Variants in PAK2 observed in about 807,000 individuals in gnomAD.
PAK2 encodes the protein serine/threonine-protein kinase PAK 2.
A neutral mutation model predicts 65.9 loss-of-function variants in PAK2; 21 were observed. The ratio of observed to expected loss-of-function variants is 0.32; its 90% CI spans 0.23 to 0.46. The LOEUF (loss-of-function observed/expected upper bound fraction) is 0.46, where lower values mean the gene tolerates loss of function less well. Ranked by LOEUF, PAK2 falls within the 20% of genes least tolerant of loss-of-function variation. The pLI is 1.00. For synonymous variants in PAK2, 204 were observed against 219.7 expected, an observed-to-expected ratio of 0.93 and a Z score of 0.63; for missense variants, 324 against 642.6, an observed-to-expected ratio of 0.50 and a Z score of 5.36.
chr3:196,785,742 G>A (rs972070054), intron 2 of PAK2, among the ~76,000 whole-genome samples: 6 of 152,186 alleles, frequency 3.9e-5, no homozygotes, highest in Non-Finnish European at 8.8e-5. Context: ...GGCTGGGGAG[G>A]CCTCACAATT....
intron 7 of PAK2, 125 bp downstream of exon 7, chr3:196,808,039 T>TAGC: frequency 1.2e-6 from 1 of 804,860 alleles, no homozygotes; most frequent in South Asian, 1.9e-5. Flanking sequence ...TGTTTCCTTA[T>TAGC]AGCAACAGTA....
chr3:196,758,150 G>A (rs1713828732), intron 1 of PAK2, among the ~76,000 whole-genome samples: 1 of 152,342 alleles, frequency 6.6e-6, no homozygotes, highest in South Asian at 2.1e-4. Context: ...TGATGGTGAT[G>A]TAATGGTCAA....
chr3:196,752,660 C>T (rs534822465), intron 1 of PAK2, among the ~76,000 whole-genome samples: 23 of 150,912 alleles, frequency 1.5e-4, no homozygotes, highest in Non-Finnish European at 3.0e-4. Context: ...AGTGCAATGG[C>T]GCAATCTCAG....
intron 1 of PAK2, among the ~76,000 whole-genome samples, chr3:196,764,220 T>G (rs1278966172): frequency 6.6e-6 from 1 of 152,214 alleles, no homozygotes; most frequent in Non-Finnish European, 1.5e-5. Context: ...GTGAAGTTTA[T>G]TTGCATAACT....
chr3:196,763,550 G>C (rs541105253), intron 1 of PAK2, among the ~76,000 whole-genome samples: 3 of 152,244 alleles, frequency 2.0e-5, no homozygotes, highest in African/African-American at 7.2e-5. Flanking sequence ...TCAGTAACTG[G>C]CAGGAGAATG....
chr3:196,785,789 G>A (rs535772660), intron 2 of PAK2, among the ~76,000 whole-genome samples: 6 of 152,138 alleles, frequency 3.9e-5, no homozygotes, highest in Non-Finnish European at 7.3e-5. Flanking sequence ...CGCGTCCTAC[G>A]TGGATGACAG....
chr3:196,756,050 G>A (rs74289390), intron 1 of PAK2, among the ~76,000 whole-genome samples: 15,452 of 152,072 alleles, frequency 0.1, 1,179 homozygotes, highest in East Asian at 0.43. Context: ...CACCGCACCC[G>A]GCCCCTTCCA....
intron 11 of PAK2, 142 bp from the exon 12 acceptor site, chr3:196,817,915 G>C: frequency 2.2e-6 from 1 of 461,642 alleles, no homozygotes. Flanking sequence ...ATATAAGAGA[G>C]GATGTTTTTT....
intron 12 of PAK2, among the ~76,000 whole-genome samples, chr3:196,818,755 C>T (rs1175263469): frequency 1.3e-5 from 2 of 152,036 alleles, no homozygotes; most frequent in Non-Finnish European, 2.9e-5. Context: ...TTTTGGATGA[C>T]ATTTTTTTTT....
intron 1 of PAK2, among the ~76,000 whole-genome samples, chr3:196,750,864 T>C (rs1433489506): frequency 6.6e-6 from 1 of 152,212 alleles, no homozygotes. Context: ...GTTGCTTTTT[T>C]TAATTGTTGT....
At chr3:196,741,547 T>C (rs1442420540) in intron 1 of PAK2, among the ~76,000 whole-genome samples, 2 of 152,244 alleles carry the variant, frequency 1.3e-5, no homozygotes, top group African/African-American at 2.4e-5. Flanking sequence ...TTGACACTTA[T>C]TACGGAAAGT....
chr3:196,828,393 G>A lies in PAK2; in HGVS notation c.1563G>A (p.Lys521=). The A allele has an allele frequency of 1.3e-6, 2 of 1,596,120 alleles. No individual in the cohort carries two copies. Among genetic ancestry groups the A allele is most frequent in the African/African-American group, 1.3e-5 (1 of 74,604 alleles). ...TCATGGCAGCTAAAGAAGCAATGAA[G>A]AGTAACCGTTAACATCACTGCTGTG... ...PLIMAAKEAM[K]SNR Residue 521 remains lysine (K), a synonymous_variant, in exon 15 of 15, where the codon AAG becomes AAA. Coordinates refer to ENST00000327134, the MANE Select transcript of PAK2 (RefSeq NM_002577.4).
intron 13 of PAK2, among the ~76,000 whole-genome samples, chr3:196,826,864 T>A (rs1317364101): frequency 1.3e-5 from 2 of 151,896 alleles, no homozygotes; most frequent in African/African-American, 4.8e-5. Flanking sequence ...GAGGTTGCAG[T>A]GAGCCAAGAT....
chr3:196,814,889 C>T (rs1463600411), intron 11 of PAK2, among the ~76,000 whole-genome samples: 2 of 152,098 alleles, frequency 1.3e-5, no homozygotes, highest in Non-Finnish European at 2.9e-5. Context: ...ATTAGAAATA[C>T]ACCACTCAGG....
intron 7 of PAK2, among the ~76,000 whole-genome samples, chr3:196,810,383 G>A (rs1715736776): frequency 6.6e-6 from 1 of 151,946 alleles, no homozygotes; most frequent in African/African-American, 2.4e-5. Context: ...AACTTTTAAT[G>A]TGTCTTGTTT....
chr3:196,751,393 A>G (rs1484633406), intron 1 of PAK2, among the ~76,000 whole-genome samples: 1 of 151,830 alleles, frequency 6.6e-6, no homozygotes, highest in Non-Finnish European at 1.5e-5. Context: ...CACTCCTGTA[A>G]TCCTAGCACT....
intron 1 of PAK2, among the ~76,000 whole-genome samples, chr3:196,756,269 A>C (rs1184338014): frequency 6.6e-6 from 1 of 151,802 alleles, no homozygotes; most frequent in Admixed American, 6.6e-5. Flanking sequence ...ATGCCTTTAC[A>C]CTCCCTGTGT....
At chr3:196,807,741 C>A in intron 6 of PAK2, 41 bp from the exon 7 acceptor site, 2 of 1,175,498 alleles carry the variant, frequency 1.7e-6, no homozygotes, top group East Asian at 2.4e-5. Context: ...TATCTGAAAA[C>A]ATTATTCCTC....
At chr3:196,797,327 G>C (rs1360343697) in intron 2 of PAK2, among the ~76,000 whole-genome samples, 2 of 152,170 alleles carry the variant, frequency 1.3e-5, no homozygotes, top group Non-Finnish European at 2.9e-5. Context: ...GCTGGGCGTG[G>C]TGGCAGGCGC....
Sources: allele counts gnomAD v4.1 joint callset (sites outside exome capture counted in the v4.1 genomes callset), GRCh38; gene constraint gnomAD v4.1.1; transcripts MANE v1.5; gene names NCBI Gene and HGNC (gene_info 2026-07-23, HGNC 2026-07-21).